Variants in RAB39B observed in about 807,000 individuals in gnomAD.
RAB39B encodes ras-related protein Rab-39B.
For missense variants in RAB39B, 68 were observed against 171.3 expected (o/e 0.40, Z 3.37); for synonymous variants, 63 against 67.5 (o/e 0.93, Z 0.33).
chrX:155,258,852 T>C lies in RAB39B; in HGVS notation c.*1951A>G, dbSNP rs369765676. Reference sequence around the variant, plus strand: ...GTTAATGAAATTTGCCATGTTTTGTTTGTCTTTTACAACCACGAAGGTGGC... The same window carrying C: ...GTTAATGAAATTTGCCATGTTTTGTCTGTCTTTTACAACCACGAAGGTGGC... On this transcript the variant is annotated 3_prime_UTR_variant, in exon 2 of 2. Transcript: ENST00000369454. 8.9e-6 allele frequency: 1 copy of C among 112,327 alleles called. No individual in the cohort carries two copies. The highest frequency in any genetic ancestry group is 3.2e-5 in the African/African-American group (1 of 30,887). 9.3% of individuals were successfully genotyped at this position (112,327 alleles called of 1,213,427 possible). A position where few individuals can be genotyped will look rare whatever the true frequency, so the allele number is the denominator to read the frequency against.
chrX:155,261,599 T>C (rs2074854009), intron 1 of RAB39B, among the ~76,000 whole-genome samples: 1 of 111,211 alleles, frequency 9.0e-6, no homozygotes, highest in Non-Finnish European at 1.9e-5. Flanking sequence ...GAGACTTCCT[T>C]TTCTGCAAAA....
At chrX:155,263,096 A>G (rs1557314437) in intron 1 of RAB39B, among the ~76,000 whole-genome samples, 1 of 111,501 alleles carries the variant, frequency 9.0e-6, no homozygotes, top group Non-Finnish European at 1.9e-5. Flanking sequence ...CTTTAGTTCA[A>G]ATTGTTCTCT....
Position 155,264,006 on chromosome X carries a change from C to G in RAB39B, c.215+68G>C, listed in dbSNP as rs2074861112. On this transcript the variant is annotated intron_variant, in intron 1 of 1. Coordinates refer to ENST00000369454, the MANE Select transcript of RAB39B (RefSeq NM_171998.4). ...ACCGCACCTAGAACCAGGAAGTCCT[C>G]TCTCCCCAGAGGCGGTGCAAACCCC... 5.9e-6 allele frequency: 6 copies of G among 1,023,785 alleles called. No homozygotes were observed. In the East Asian group the frequency reaches 1.8e-4, roughly 31 times the overall value. 84.4% of individuals were successfully genotyped at this position (1,023,785 alleles called of 1,213,427 possible). A position where few individuals can be genotyped will look rare whatever the true frequency, so the allele number is the denominator to read the frequency against.
In RAB39B at chrX:155,258,991, G is replaced by T. The variant is rs2074843452; in HGVS notation, c.*1812C>A. On this transcript the variant is annotated 3_prime_UTR_variant, in exon 2 of 2. Coordinates refer to ENST00000369454, the MANE Select transcript of RAB39B (RefSeq NM_171998.4). ...CAAAGTGGTTTGCTCATCCAACTTG[G>T]GGCACAGGTGGCAGAATAGTCTTCC... is the stretch of plus-strand genomic sequence containing the variant. 8.9e-6 allele frequency: 1 copy of T among 111,954 alleles called. No individual in the cohort carries two copies. The highest frequency in any genetic ancestry group is 1.9e-5 in the Non-Finnish European group (1 of 53,212). The allele number at this position is 111,954 out of a possible 1,213,427, so 9.2% of individuals were successfully genotyped here. A position where few individuals can be genotyped will look rare whatever the true frequency, so the allele number is the denominator to read the frequency against.
rs1423936405 is a variant in RAB39B, at chrX:155,264,402, G to T, written c.-114C>A. 2 of 716,367 alleles carry T rather than the reference G, an allele frequency of 2.8e-6. No individual in the cohort carries two copies. The highest frequency in any genetic ancestry group is 4.2e-6 in the Non-Finnish European group (2 of 471,792). 59.0% of individuals were successfully genotyped at this position (716,367 alleles called of 1,213,427 possible). The stretch of plus-strand genomic sequence containing the variant: ...GATCTAGCTCAGCCGCGAGCGCATC[G>T]CTGGCCTGGGAGCCCGAAGCTGGGT... On this transcript the variant is annotated 5_prime_UTR_variant, in exon 1 of 2. Coordinates refer to ENST00000369454, the MANE Select transcript of RAB39B (RefSeq NM_171998.4).
chrX:155,261,358 A>T lies in RAB39B; in HGVS notation c.216-129T>A, dbSNP rs187907052. Reference sequence around the variant, plus strand: ...AATAAAAATGATTTTCTTTTTTTTTAAAAAAACAAAGGAATACAAATGGCA... The same window carrying T: ...AATAAAAATGATTTTCTTTTTTTTTTAAAAAACAAAGGAATACAAATGGCA... On this transcript the variant is annotated intron_variant, in intron 1 of 1. Coordinates refer to ENST00000369454, the MANE Select transcript of RAB39B (RefSeq NM_171998.4). The T allele has an allele frequency of 8.4e-4, 458 of 547,582 alleles. 3 individuals carry two copies. The East Asian group carries it at 9.1e-3, about 11-fold the overall frequency. 45.1% of individuals were successfully genotyped at this position (547,582 alleles called of 1,213,427 possible). A position where few individuals can be genotyped will look rare whatever the true frequency, so the allele number is the denominator to read the frequency against.
At position 155,259,916 on chromosome X, in the gene RAB39B, G is replaced by T. The variant is rs782651312; in HGVS notation, c.*887C>A. On this transcript the variant is annotated 3_prime_UTR_variant, in exon 2 of 2. Transcript: ENST00000369454. ...GTTTGTAAGGGTTACAGTGCCTCCT[G>T]TTCAGCAGGAGAGAGTGTTTGCCTC... The T allele has an allele frequency of 8.9e-6, 1 of 112,016 alleles. No individual in the cohort carries two copies. The highest frequency in any genetic ancestry group is 3.2e-5 in the African/African-American group (1 of 30,826). The allele number at this position is 112,016 out of a possible 1,213,427, so 9.2% of individuals were successfully genotyped here.
chrX:155,259,210 C>T lies in RAB39B; in HGVS notation c.*1593G>A, dbSNP rs782694833. 9.0e-6 allele frequency: 1 copy of T among 111,193 alleles called. No homozygotes were observed. Among genetic ancestry groups the T allele is most frequent in the Admixed American group, 9.6e-5 (1 of 10,467 alleles). The allele number at this position is 111,193 out of a possible 1,213,427, so 9.2% of individuals were successfully genotyped here. On this transcript the variant is annotated 3_prime_UTR_variant, in exon 2 of 2. Transcript: ENST00000369454. Reference sequence around the variant, plus strand: ...TTTTTTTTAATTGTGAAAAGTATGGCTTTTGCCTAGCTGAACTGGCTACAA... The same window carrying T: ...TTTTTTTTAATTGTGAAAAGTATGGTTTTTGCCTAGCTGAACTGGCTACAA...
intron 1 of RAB39B, among the ~76,000 whole-genome samples, 159 bp from the exon 2 acceptor site, chrX:155,261,388 A>G (rs1360447993): frequency 9.0e-6 from 1 of 111,550 alleles, no homozygotes; most frequent in African/African-American, 3.3e-5. Flanking sequence ...ATGGCATTCC[A>G]TACTACTACT....
chrX:155,264,475 G>A lies in RAB39B; in HGVS notation c.-187C>T. The A allele has an allele frequency of 2.2e-6, 1 of 446,297 alleles. No individual in the cohort carries two copies. Among genetic ancestry groups the A allele is most frequent in the Non-Finnish European group, 3.9e-6 (1 of 255,760 alleles). The allele number at this position is 446,297 out of a possible 1,213,427, so 36.8% of individuals were successfully genotyped here. A position where few individuals can be genotyped will look rare whatever the true frequency, so the allele number is the denominator to read the frequency against. ...GAGGGATGGATGCTGCGCTCGCAAA[G>A]GTGATGAAATGGCAGCAGCATCAGC... is the stretch of plus-strand genomic sequence containing the variant. On this transcript the variant is annotated 5_prime_UTR_variant, in exon 1 of 2. Coordinates refer to ENST00000369454, the MANE Select transcript of RAB39B (RefSeq NM_171998.4).
rs782772269 is a variant in RAB39B, at chrX:155,260,653, G to A, written c.*150C>T. On this transcript the variant is annotated 3_prime_UTR_variant, in exon 2 of 2. Coordinates refer to ENST00000369454, the MANE Select transcript of RAB39B (RefSeq NM_171998.4). The stretch of plus-strand genomic sequence containing the variant: ...AGCACTCAGGCACCCCCATCCACCC[G>A]CACACGAGTCTGTCAGAGTCCCCCT... 1.2e-5 allele frequency: 7 copies of A among 601,647 alleles called. No individual in the cohort carries two copies. The highest frequency in any genetic ancestry group is 7.6e-5 in the South Asian group (3 of 39,577). 49.6% of individuals were successfully genotyped at this position (601,647 alleles called of 1,213,427 possible).
intron 1 of RAB39B, among the ~76,000 whole-genome samples, chrX:155,263,448 C>T (rs1347566709): frequency 8.9e-6 from 1 of 112,211 alleles, no homozygotes; most frequent in Non-Finnish European, 1.9e-5. Flanking sequence ...TTATCTATTT[C>T]CCTCAACTAT....
chrX:155,263,330 T>G (rs782331283), intron 1 of RAB39B, among the ~76,000 whole-genome samples: 1 of 113,047 alleles, frequency 8.8e-6, no homozygotes, highest in South Asian at 3.6e-4. Flanking sequence ...ATTCATTGAT[T>G]ATTCAATGAA....
chrX:155,263,343 C>G (rs1197919302), intron 1 of RAB39B, among the ~76,000 whole-genome samples: 2 of 112,675 alleles, frequency 1.8e-5, no homozygotes, highest in African/African-American at 6.5e-5. Context: ...TCAATGAATT[C>G]ATTGATTGAA....
In RAB39B at chrX:155,260,333, G is replaced by A. The variant is rs2074848785; in HGVS notation, c.*470C>T. 8.1e-6 allele frequency: 1 copy of A among 123,164 alleles called. No homozygotes were observed. Among genetic ancestry groups the A allele is most frequent in the South Asian group, 2.9e-4 (1 of 3,489 alleles). 10.2% of individuals were successfully genotyped at this position (123,164 alleles called of 1,213,427 possible). ...AAACCCAGCAAACACCTTTGGTGCA[G>A]GGTATTCTCACGGAATAAGTAGAGC... On this transcript the variant is annotated 3_prime_UTR_variant, in exon 2 of 2. Coordinates refer to ENST00000369454, the MANE Select transcript of RAB39B (RefSeq NM_171998.4).
intron 1 of RAB39B, among the ~76,000 whole-genome samples, chrX:155,263,598 T>C (rs1277143205): frequency 8.9e-6 from 1 of 112,704 alleles, no homozygotes; most frequent in African/African-American, 3.2e-5. Context: ...GAATGTGTGC[T>C]GGTTGCAAGA....
chrX:155,260,673 C>G lies in RAB39B; in HGVS notation c.*130G>C. The G allele has an allele frequency of 2.9e-6, 2 of 698,663 alleles. No individual in the cohort carries two copies. Among genetic ancestry groups the G allele is most frequent in the Non-Finnish European group, 4.5e-6 (2 of 443,039 alleles). The allele number at this position is 698,663 out of a possible 1,213,427, so 57.6% of individuals were successfully genotyped here. ...CACCCGCACACGAGTCTGTCAGAGT[C>G]CCCCTGAGAGGGAGGCTCACTTGGT... On this transcript the variant is annotated 3_prime_UTR_variant, in exon 2 of 2. Coordinates refer to ENST00000369454, the MANE Select transcript of RAB39B (RefSeq NM_171998.4).
At position 155,259,782 on chromosome X, in the gene RAB39B, C is replaced by A. The variant is rs1434427835; in HGVS notation, c.*1021G>T. 1 of 112,045 alleles carries A rather than the reference C, an allele frequency of 8.9e-6. No homozygotes were observed. The highest frequency in any genetic ancestry group is 1.9e-5 in the Non-Finnish European group (1 of 53,197). The allele number at this position is 112,045 out of a possible 1,213,427, so 9.2% of individuals were successfully genotyped here. On this transcript the variant is annotated 3_prime_UTR_variant, in exon 2 of 2. Transcript: ENST00000369454. ...GAGCTAGGAGTCACGAGTCCTTGAC[C>A]CTGGCCAAGTGATTTTCATGGCTCT...
chrX:155,260,515 C>T lies in RAB39B; in HGVS notation c.*288G>A, dbSNP rs2074849555. 1 of 362,076 alleles carries T rather than the reference C, an allele frequency of 2.8e-6. No individual in the cohort carries two copies. The highest frequency in any genetic ancestry group is 4.4e-5 in the Admixed American group (1 of 22,934). 29.8% of individuals were successfully genotyped at this position (362,076 alleles called of 1,213,427 possible). On this transcript the variant is annotated 3_prime_UTR_variant, in exon 2 of 2. Coordinates refer to ENST00000369454, the MANE Select transcript of RAB39B (RefSeq NM_171998.4). ...TTTCCTGGGACTTAGCTTCCTAAACCCCAGGCCTTTAACATGTGGTCCACA... is the reference window on the plus strand; with the variant it reads ...TTTCCTGGGACTTAGCTTCCTAAACTCCAGGCCTTTAACATGTGGTCCACA...
Sources: allele counts gnomAD v4.1 joint callset (sites outside exome capture counted in the v4.1 genomes callset), GRCh38; gene constraint gnomAD v4.1.1; transcripts MANE v1.5; gene names NCBI Gene and HGNC (gene_info 2026-07-23, HGNC 2026-07-21).